The following SIN3A variants were observed in gnomAD, a reference collection of about 807,000 sequenced individuals.
SIN3A encodes the protein paired amphipathic helix protein Sin3a.
In SIN3A, 14 loss-of-function variants were observed where a neutral mutation model predicts 146.1. The ratio of observed to expected loss-of-function variants is 0.10; its 90% CI spans 0.06 to 0.15. SIN3A has a LOEUF of 0.15. SIN3A is among the 10% of genes least tolerant of loss of function. The probability of loss-of-function intolerance (pLI) is 1.00; values close to 1 mark genes in which losing one functional copy is unlikely to be tolerated. For missense variants in SIN3A, 1,028 were observed against 1,576.0 expected, an observed-to-expected ratio of 0.65 and a Z score of 5.89; for synonymous variants, 572 against 572.0, an observed-to-expected ratio of 1.00 and a Z score of 0.00.
chr15:75,390,872 G>A (rs1308289750), intron 15 of SIN3A, among the ~76,000 whole-genome samples: 2 of 152,050 alleles, frequency 1.3e-5, no homozygotes, highest in African/African-American at 2.4e-5. Context: ...CACTGCACCC[G>A]GCCTATACAT....
chr15:75,392,459 T>C lies in SIN3A; in HGVS notation c.2634A>G (p.Gly878=). ...FSNTAAQKLR[G]MDEVYNLFYV... is the part of the protein sequence containing the mutation. Reference sequence around the variant, plus strand: ...AGAAGAGGTTGTATACTTCATCCATTCCTCTTAATTTTTGAGCTGCTGTGT... The same window carrying C: ...AGAAGAGGTTGTATACTTCATCCATCCCTCTTAATTTTTGAGCTGCTGTGT... The change falls in exon 15 of 21, where the codon GGA becomes GGG. Residue 878 remains glycine (G), a synonymous_variant. Coordinates refer to ENST00000394947, the MANE Select transcript of SIN3A (RefSeq NM_001145358.2). 6.2e-7 allele frequency: 1 copy of C among 1,614,138 alleles called. No homozygotes were observed. The highest frequency in any genetic ancestry group is 8.5e-7 in the Non-Finnish European group (1 of 1,179,980).
chr15:75,411,766 T>C (rs2073644994), intron 5 of SIN3A, 23 bp from the exon 6 acceptor site: 2 of 1,559,410 alleles, frequency 1.3e-6, no homozygotes, highest in Admixed American at 1.9e-5. Context: ...GAAATCTTTA[T>C]TCTCTTCAGA....
At chr15:75,376,102 C>T (rs2072850502) in intron 19 of SIN3A, 1 of 575,316 alleles carries the variant, frequency 1.7e-6, no homozygotes, top group African/African-American at 1.9e-5. Context: ...CAGATGTAGC[C>T]AGTTAAGAGT....
chr15:75,428,282 C>T (rs1226631197), intron 2 of SIN3A, among the ~76,000 whole-genome samples: 3 of 152,132 alleles, frequency 2.0e-5, no homozygotes. Flanking sequence ...ACAATGTAAA[C>T]CAACGATGGT....
chr15:75,413,521 G>A (rs975296760), intron 4 of SIN3A, among the ~76,000 whole-genome samples: 1 of 150,182 alleles, frequency 6.7e-6, no homozygotes, highest in Non-Finnish European at 1.5e-5. Context: ...TTTAGTTTTA[G>A]ACTCAAAGAT....
At chr15:75,426,840 TAGGATTGCTTGAGCCCAGG>T (rs546903772) in intron 2 of SIN3A, among the ~76,000 whole-genome samples, 265 of 151,842 alleles carry the variant, frequency 1.7e-3, no homozygotes, top group African/African-American at 6.1e-3. Flanking sequence ...ACTGAGGTGC[TAGGATTGCTTGAGCCCAGG>T]AGGTGAAGGG....
chr15:75,433,090 G>A (rs759047762), intron 1 of SIN3A, among the ~76,000 whole-genome samples: 3 of 152,084 alleles, frequency 2.0e-5, no homozygotes, highest in Non-Finnish European at 4.4e-5. Flanking sequence ...AAAATCAGAT[G>A]TGAAGAGCAC....
chr15:75,409,532 C>T (rs2073587298), intron 8 of SIN3A, among the ~76,000 whole-genome samples: 1 of 151,532 alleles, frequency 6.6e-6, no homozygotes, highest in African/African-American at 2.4e-5. Context: ...CGAGACCATC[C>T]TGGCTAACAC....
intron 9 of SIN3A, among the ~76,000 whole-genome samples, chr15:75,403,782 G>A (rs1053845493): frequency 6.6e-6 from 1 of 152,068 alleles, no homozygotes; most frequent in Non-Finnish European, 1.5e-5. Flanking sequence ...CTGACTTCAG[G>A]TGATCCACCC....
intron 13 of SIN3A, 27 bp from the exon 14 acceptor site, chr15:75,394,890 A>G (rs769720014): frequency 6.3e-7 from 1 of 1,596,440 alleles, no homozygotes; most frequent in Admixed American, 1.7e-5. Context: ...GGATGGAAAC[A>G]ACACATGGGA....
Position 75,372,348 on chromosome 15 carries a change from A to G in SIN3A, c.3592-139T>C, listed in dbSNP as rs575021065. ...CTTAGATACCACTGTTTTTTTCTTA[A>G]AAGAAAAAAAAAAGGATTCTCTGTT... On this transcript the variant is annotated intron_variant, in intron 20 of 20. Transcript: ENST00000394947. 1.6e-5 allele frequency: 8 copies of G among 512,094 alleles called. No individual in the cohort carries two copies. In the African/African-American group the frequency reaches 1.6e-4, roughly 10 times the overall value. 31.7% of individuals were successfully genotyped at this position (512,094 alleles called of 1,614,324 possible).
intron 17 of SIN3A, 124 bp from the exon 18 acceptor site, chr15:75,381,829 G>A (rs552836784): frequency 3.9e-6 from 3 of 761,666 alleles, no homozygotes; most frequent in South Asian, 3.3e-5. Context: ...AAGAGATGAG[G>A]AAGATACTAG....
Position 75,396,113 on chromosome 15 carries a change from T to C in SIN3A, c.2093+145A>G, listed in dbSNP as rs140466925. 308 of 666,616 alleles carry C rather than the reference T, an allele frequency of 4.6e-4. 2 individuals are homozygous for C. The East Asian group carries it at 7.5e-3, about 16-fold the overall frequency. 41.3% of individuals were successfully genotyped at this position (666,616 alleles called of 1,614,324 possible). A position where few individuals can be genotyped will look rare whatever the true frequency, so the allele number is the denominator to read the frequency against. On this transcript the variant is annotated intron_variant, in intron 13 of 20. Transcript: ENST00000394947. ...ACAGGACCCCCAAAAGAAGTTCCAT[T>C]CTGCACCTGAATTCCAACAACCAGG...
rs770555983 is a variant in SIN3A at position 75,396,239 on chromosome 15, G to C, written c.2093+19C>G. ...TAGTGAAGTACACTAAAGCACTAAG[G>C]GCACATTTGCTCATGTACCTTTTAA... is the stretch of plus-strand genomic sequence containing the variant. On this transcript the variant is annotated intron_variant, in intron 13 of 20. Coordinates refer to ENST00000394947, the MANE Select transcript of SIN3A (RefSeq NM_001145358.2). 2 of 1,549,076 alleles carry C rather than the reference G, an allele frequency of 1.3e-6. No homozygotes were observed. Among genetic ancestry groups the C allele is most frequent in the South Asian group, 2.2e-5 (2 of 89,248 alleles).
At chr15:75,386,769 T>C (rs2141405148) in intron 16 of SIN3A, among the ~76,000 whole-genome samples, 1 of 152,348 alleles carries the variant, frequency 6.6e-6, no homozygotes, top group Non-Finnish European at 1.5e-5. Context: ...TGGATGTCTG[T>C]GAGGTTGCCT....
chr15:75,450,345 A>G (rs182329777), intron 1 of SIN3A, among the ~76,000 whole-genome samples: 97 of 152,290 alleles, frequency 6.4e-4, no homozygotes, highest in South Asian at 2.3e-3. Flanking sequence ...ACAGACGCCA[A>G]GTCTACTACC....
rs552124222 is a variant in SIN3A, at chr15:75,411,815, G to C, written c.757-72C>G. 16 of 1,463,708 alleles carry C rather than the reference G, an allele frequency of 1.1e-5. No homozygotes were observed. The East Asian group carries it at 2.5e-4, about 23-fold the overall frequency. The allele number at this position is 1,463,708 out of a possible 1,614,324, so 90.7% of individuals were successfully genotyped here. A position where few individuals can be genotyped will look rare whatever the true frequency, so the allele number is the denominator to read the frequency against. On this transcript the variant is annotated intron_variant, in intron 5 of 20. Coordinates refer to ENST00000394947, the MANE Select transcript of SIN3A (RefSeq NM_001145358.2). The stretch of plus-strand genomic sequence containing the variant: ...TGATACAAGGAAAGTTCAAACTAAA[G>C]AGAAACAAGGTGTCAACGTATATCC...
At chr15:75,399,995 G>C (rs1320749520) in intron 12 of SIN3A, 45 bp downstream of exon 12, 4 of 1,031,902 alleles carry the variant, frequency 3.9e-6, no homozygotes, top group African/African-American at 1.6e-5. Context: ...GTCTCACTGA[G>C]CATCTCCCAT....
intron 12 of SIN3A, among the ~76,000 whole-genome samples, chr15:75,399,039 A>C (rs550530786): frequency 1.1e-4 from 16 of 151,488 alleles, no homozygotes; most frequent in African/African-American, 3.2e-4. Context: ...AGTTTAAAAA[A>C]AAAAAAAAAA....
Sources: gnomAD v4.1 joint callset for allele counts (sites outside exome capture counted in the v4.1 genomes callset) on GRCh38, gnomAD v4.1.1 for gene constraint, MANE v1.5 for transcripts, NCBI Gene and HGNC (gene_info 2026-07-23, HGNC 2026-07-21) for gene names.